The following NCOR1 variants were observed in gnomAD, a reference collection of about 807,000 sequenced individuals.
NCOR1 encodes the protein nuclear receptor corepressor 1, also known as protein phosphatase 1, regulatory subunit 109.
NCOR1 carries 63 observed loss-of-function variants against 288.1 expected under a neutral mutation model. The ratio of observed to expected loss-of-function variants is 0.22; its 90% CI spans 0.18 to 0.27. The LOEUF is 0.27. Among genes scored for constraint, NCOR1 ranks in the 10% least tolerant of loss-of-function variants. The probability of loss-of-function intolerance (pLI) is 1.00; values close to 1 mark genes in which losing one functional copy is unlikely to be tolerated. For missense variants in NCOR1, 2,397 were observed against 3,019.2 expected, an observed-to-expected ratio of 0.79 and a Z score of 4.83; for synonymous variants, 1,007 against 1,065.9, an observed-to-expected ratio of 0.94 and a Z score of 1.08.
At position 16,070,329 on chromosome 17, in the gene NCOR1, G is replaced by A. The variant is rs2061602634; in HGVS notation, c.4349C>T (p.Ser1450Leu). 4.3e-6 allele frequency: 7 copies of A among 1,614,140 alleles called. No homozygotes were observed. Among genetic ancestry groups the A allele is most frequent in the Non-Finnish European group, 5.9e-6 (7 of 1,180,026 alleles). ...AGETVRSRHT[S>L]VVSSGPSVLR... is the part of the protein sequence containing the mutation. ...AACGGAGGGGCCAGAGCTTACCACTGACGTGTGCCGGGAACGCACGGTCTC... is the reference window on the plus strand; with the variant it reads ...AACGGAGGGGCCAGAGCTTACCACTAACGTGTGCCGGGAACGCACGGTCTC... Residue 1450 changes from serine to leucine, a missense_variant, in exon 31 of 46, where the codon TCA becomes TTA. By Grantham distance (145) the Ser-to-Leu change is moderately radical. Around this residue, in one of 11 missense-constraint regions of NCOR1, gnomAD observed 1,872 missense variants for 2,187.8 expected, o/e 0.86. Coordinates refer to ENST00000268712, the MANE Select transcript of NCOR1 (RefSeq NM_006311.4).
chr17:16,181,458 G>C (rs1339562811), intron 3 of NCOR1, among the ~76,000 whole-genome samples: 1 of 150,474 alleles, frequency 6.6e-6, no homozygotes, highest in East Asian at 1.9e-4. Flanking sequence ...GTTGGGGATA[G>C]AGAAATAAGG....
At chr17:16,127,697 A>ATG (rs1184418413) in intron 14 of NCOR1, among the ~76,000 whole-genome samples, 1 of 141,054 alleles carries the variant, frequency 7.1e-6, no homozygotes, top group Non-Finnish European at 1.5e-5. Flanking sequence ...ATATACATAT[A>ATG]TGTATATATG....
intron 40 of NCOR1, among the ~76,000 whole-genome samples, chr17:16,052,973 G>T (rs866021757): frequency 8.6e-5 from 13 of 152,018 alleles, no homozygotes; most frequent in African/African-American, 2.9e-4. Flanking sequence ...TGCAGAAAAG[G>T]CTTTCAATAA....
chr17:16,087,975 T>C (rs1426638016), intron 22 of NCOR1, among the ~76,000 whole-genome samples: 3 of 152,176 alleles, frequency 2.0e-5, no homozygotes, highest in African/African-American at 4.8e-5. Context: ...CTTTAAAATA[T>C]ATAGTTTCTT....
intron 37 of NCOR1, among the ~76,000 whole-genome samples, chr17:16,059,255 ACT>A (rs1485391949): frequency 6.6e-6 from 1 of 151,944 alleles, no homozygotes; most frequent in East Asian, 1.9e-4. Context: ...TCTGTGGGAC[ACT>A]CTGTTCTTAG....
At position 16,034,860 on chromosome 17, in the gene NCOR1, G is replaced by A. The variant is rs779636265; in HGVS notation, c.7040C>T (p.Thr2347Met). ...AGAGGAGACTGAAGAGGGCCGTTCCGTTCCTAAGTAGCCTTGCCCAGGTAT... is the reference window on the plus strand; with the variant it reads ...AGAGGAGACTGAAGAGGGCCGTTCCATTCCTAAGTAGCCTTGCCCAGGTAT... Reference protein sequence around the residue: ...SPIPGQGYLGTERPSSVSSVH... With the variant: ...SPIPGQGYLGMERPSSVSSVH... The change falls in exon 45 of 46, where the codon ACG (threonine) becomes ATG (methionine). Residue 2347 changes from threonine (T) to methionine (M), a missense_variant. This residue lies in a region of NCOR1 where 1,872 missense variants were observed against 2,187.8 expected (regional missense o/e 0.86). Coordinates refer to ENST00000268712, the MANE Select transcript of NCOR1 (RefSeq NM_006311.4). The A allele has an allele frequency of 2.2e-5, 35 of 1,613,878 alleles. No homozygotes were observed. The highest frequency in any genetic ancestry group is 4.5e-5 in the East Asian group (2 of 44,888).
Position 16,039,455 on chromosome 17 carries a change from T to A in NCOR1, c.6933A>T (p.Glu2311Asp). Residue 2311 changes from glutamate to aspartate, a missense_variant, in exon 44 of 46, where the codon GAA (glutamate) becomes GAT (aspartate). Physicochemically the swap from Glu to Asp is conservative, Grantham distance 45 (BLOSUM62 2). This residue lies in a region of NCOR1 where 1,872 missense variants were observed against 2,187.8 expected (regional missense o/e 0.86). Coordinates refer to ENST00000268712, the MANE Select transcript of NCOR1 (RefSeq NM_006311.4). The stretch of plus-strand genomic sequence containing the variant: ...TACCTGAATGAGGTGATGGGTCCCC[T>A]TCCTCTCTTCGTGTCTCACCACTGG... ...VVTSGETRRE[E>D]GDPSPHSGGV... is the part of the protein sequence containing the mutation. 1 of 1,614,052 alleles carries A rather than the reference T, an allele frequency of 6.2e-7. No individual in the cohort carries two copies. Among genetic ancestry groups the A allele is most frequent in the South Asian group, 1.1e-5 (1 of 91,076 alleles).
In NCOR1 at chr17:16,032,401, A is replaced by G. The variant is rs1567603868; in HGVS notation, c.7218T>C (p.Ser2406=). 4 of 1,614,020 alleles carry G rather than the reference A, an allele frequency of 2.5e-6. No homozygotes were observed. Among genetic ancestry groups the G allele is most frequent in the Non-Finnish European group, 8.5e-7 (1 of 1,180,006 alleles). ...GGTGAGGAGCTGCTTGGTTCACCGC[A>G]GAGGGAGCACATGCAATCGGTGTTG... is the stretch of plus-strand genomic sequence containing the variant. ...TPPTPIACAP[S]AVNQAAPHQQ... is the part of the protein sequence containing the mutation. The change falls in exon 46 of 46, where the codon TCT becomes TCC. Residue 2406 remains serine, a synonymous_variant. Transcript: ENST00000268712.
intron 21 of NCOR1, among the ~76,000 whole-genome samples, chr17:16,092,689 A>T (rs1194640459): frequency 0.028 from 309 of 11,050 alleles, 29 homozygotes; most frequent in East Asian, 0.13. Context: ...ATATATATAT[A>T]TATATATTTT....
chr17:16,206,548 G>A (rs1005413039), intron 1 of NCOR1, among the ~76,000 whole-genome samples: 2 of 152,122 alleles, frequency 1.3e-5, no homozygotes, highest in African/African-American at 4.8e-5. Context: ...ACCATGGCTG[G>A]CTAATTTTTG....
At chr17:16,165,402 T>C (rs376970223) in intron 4 of NCOR1, among the ~76,000 whole-genome samples, 3 of 152,196 alleles carry the variant, frequency 2.0e-5, no homozygotes, top group Non-Finnish European at 4.4e-5. Context: ...TGAGTTAGTG[T>C]TGATCAGCCT....
At chr17:16,116,429 G>A (rs1391713306) in intron 18 of NCOR1, among the ~76,000 whole-genome samples, 3 of 152,206 alleles carry the variant, frequency 2.0e-5, no homozygotes, top group South Asian at 2.1e-4. Context: ...GAGAAGGTGT[G>A]AAGCTCATGG....
Position 16,171,822 on chromosome 17 carries a change from G to A in NCOR1, c.416C>T (p.Ala139Val). 6.3e-7 allele frequency: 1 copy of A among 1,599,858 alleles called. No homozygotes were observed. The highest frequency in any genetic ancestry group is 8.5e-7 in the Non-Finnish European group (1 of 1,175,256). The change falls in exon 4 of 46, where the codon GCT becomes GTT. Residue 139 changes from alanine to valine, a missense_variant. Coordinates refer to ENST00000268712, the MANE Select transcript of NCOR1 (RefSeq NM_006311.4). ...LVHPLPEGLRASADAKKDPAF... is the reference protein window; with the variant it reads ...LVHPLPEGLRVSADAKKDPAF... Reference sequence around the variant, plus strand: ...ATTTACCTTCTTAGCATCTGCAGAAGCCCTCAGCCCTTCTGGCAGCGGGTG... The same window carrying A: ...ATTTACCTTCTTAGCATCTGCAGAAACCCTCAGCCCTTCTGGCAGCGGGTG...
chr17:16,044,790 G>A (rs2058382380), intron 42 of NCOR1: 2 of 1,104,790 alleles, frequency 1.8e-6, no homozygotes, highest in Non-Finnish European at 2.7e-6. Context: ...GTCAACATTG[G>A]GAGCCTCATC....
chr17:16,184,554 CA>C (rs1356690617), intron 3 of NCOR1, among the ~76,000 whole-genome samples: 1 of 152,012 alleles, frequency 6.6e-6, no homozygotes, highest in Non-Finnish European at 1.5e-5. Context: ...CAAAAAAAGT[CA>C]AAAGATAACA....
At chr17:16,155,366 A>ATAC (rs1555736105) in intron 6 of NCOR1, among the ~76,000 whole-genome samples, 19 of 136,984 alleles carry the variant, frequency 1.4e-4, no homozygotes, top group African/African-American at 5.0e-4. Flanking sequence ...AAAAAAAAAA[A>ATAC]AAATACACAC....
intron 14 of NCOR1, among the ~76,000 whole-genome samples, chr17:16,128,687 GT>G (rs1464175508): frequency 2.0e-5 from 3 of 152,110 alleles, no homozygotes; most frequent in African/African-American, 4.8e-5. Flanking sequence ...CCTCTTACTT[GT>G]TTTTACCAGA....
chr17:16,176,258 TTTTTG>T (rs556748401), intron 3 of NCOR1, among the ~76,000 whole-genome samples: 3 of 151,910 alleles, frequency 2.0e-5, no homozygotes, highest in Non-Finnish European at 4.4e-5. Flanking sequence ...TCTTTCAGGT[TTTTTG>T]TTTTGTTTTG....
chr17:16,137,821 C>CATTAA (rs886603064), intron 13 of NCOR1: 4 of 255,598 alleles, frequency 1.6e-5, no homozygotes, highest in African/African-American at 8.9e-5. Flanking sequence ...AGAGGCCATG[C>CATTAA]TAATCTCTGC....
Sources: allele counts gnomAD v4.1 joint callset (sites outside exome capture counted in the v4.1 genomes callset), GRCh38; gene constraint gnomAD v4.1.1; regional missense constraint gnomAD v4.1.1; transcripts MANE v1.5; gene names NCBI Gene and HGNC (gene_info 2026-07-23, HGNC 2026-07-21).